Variants in AUTS2 observed in about 807,000 individuals in gnomAD.
AUTS2 encodes autism susceptibility gene 2 protein.
AUTS2 carries 17 observed loss-of-function variants against 112.4 expected under a neutral mutation model. That is an observed-to-expected ratio of 0.15 (90% CI 0.10 to 0.23). AUTS2 has a LOEUF of 0.23. Ranked by LOEUF, AUTS2 falls within the 10% of genes least tolerant of loss-of-function variation. The probability of loss-of-function intolerance (pLI) is 1.00; values close to 1 mark genes in which losing one functional copy is unlikely to be tolerated. For missense variants in AUTS2, 1,510 were observed against 1,701.6 expected, an observed-to-expected ratio of 0.89 and a Z score of 1.98; for synonymous variants, 751 against 702.7, an observed-to-expected ratio of 1.07 and a Z score of -1.09.
chr7:70,195,187 A>C (rs1447510257), intron 4 of AUTS2, among the ~76,000 whole-genome samples: 2 of 152,234 alleles, frequency 1.3e-5, no homozygotes, highest in Non-Finnish European at 2.9e-5. Flanking sequence ...TCAGTAAGAC[A>C]CAACTATTAA....
Position 70,708,621 on chromosome 7 carries a change from G to C in AUTS2, c.742+10001G>C, listed in dbSNP as rs373900509. Among the ~76,000 whole-genome samples, 32 of 152,032 alleles carry C rather than the reference G, an allele frequency of 2.1e-4. 1 individual carries two copies. In the South Asian group the frequency reaches 6.6e-3, roughly 32 times the overall value. ...AAAAATAGCCTTAAGACTTTCTTAG[G>C]TGGAAAAGCTTATCTGAGGTGAGCC... On this transcript the variant is annotated intron_variant, in intron 6 of 18. Transcript: ENST00000342771.
intron 2 of AUTS2, among the ~76,000 whole-genome samples, chr7:70,059,926 AGTT>A (rs796879611): frequency 4.6e-5 from 7 of 152,316 alleles, no homozygotes; most frequent in African/African-American, 1.4e-4. Flanking sequence ...AAAATTAACA[AGTT>A]GACATTTATT....
rs377507477 is a variant in AUTS2 at position 70,764,986 on chromosome 7, G to A, written c.1449G>A (p.Pro483=). 1.9e-5 allele frequency: 30 copies of A among 1,612,636 alleles called. No individual in the cohort carries two copies. Among genetic ancestry groups the A allele is most frequent in the South Asian group, 9.9e-5 (9 of 91,010 alleles). Reference sequence around the variant, plus strand: ...GAAGTCTGCAGGTGGCCGGACACCCGGCCGGGAGCACTTACTCAGGTAGGA... The same window carrying A: ...GAAGTCTGCAGGTGGCCGGACACCCAGCCGGGAGCACTTACTCAGGTAGGA... ...TSGSLQVAGH[P]AGSTYSEQDI... Residue 483 remains proline (P), a synonymous_variant, in exon 8 of 19, where the codon CCG becomes CCA. Coordinates refer to ENST00000342771, the MANE Select transcript of AUTS2 (RefSeq NM_015570.4).
intron 4 of AUTS2, among the ~76,000 whole-genome samples, chr7:70,370,535 T>G (rs1792793081): frequency 6.6e-6 from 1 of 152,242 alleles, no homozygotes; most frequent in Admixed American, 6.5e-5. Flanking sequence ...CATTGCCTCA[T>G]AATATTACAT....
chr7:70,055,298 G>T (rs1200116459), intron 2 of AUTS2, among the ~76,000 whole-genome samples: 1 of 152,192 alleles, frequency 6.6e-6, no homozygotes, highest in Non-Finnish European at 1.5e-5. Context: ...GCTGGACGTG[G>T]TGGCACATGC....
intron 2 of AUTS2, among the ~76,000 whole-genome samples, chr7:70,108,783 C>CAAAAAAAAAAAAAAAAAAAAAAAAA (rs528009205): frequency 2.9e-5 from 2 of 69,178 alleles, no homozygotes; most frequent in Admixed American, 1.6e-4. Flanking sequence ...GCCAACATGG[C>CAAAAAAAAAAAAAAAAAAAAAAAAA]AAAAAAAAAA....
chr7:69,725,576 A>C (rs1054194681), intron 1 of AUTS2, among the ~76,000 whole-genome samples: 1 of 152,172 alleles, frequency 6.6e-6, no homozygotes, highest in Non-Finnish European at 1.5e-5. Flanking sequence ...ACATGTGGAC[A>C]TGGAAATGGT....
intron 6 of AUTS2, among the ~76,000 whole-genome samples, chr7:70,721,974 A>G (rs1786708508): frequency 6.6e-6 from 1 of 152,180 alleles, no homozygotes; most frequent in African/African-American, 2.4e-5. Flanking sequence ...TATCTAGGAT[A>G]TAATTCATAT....
intron 2 of AUTS2, among the ~76,000 whole-genome samples, chr7:69,899,986 A>G (rs1215961371): frequency 6.6e-6 from 1 of 152,206 alleles, no homozygotes; most frequent in Non-Finnish European, 1.5e-5. Flanking sequence ...ATGGCAAAAA[A>G]TGAATTTGCC....
chr7:70,533,118 G>A (rs144064594), intron 5 of AUTS2, among the ~76,000 whole-genome samples: 120 of 152,142 alleles, frequency 7.9e-4, no homozygotes, highest in Non-Finnish European at 1.2e-3. Context: ...GAAAGGAACC[G>A]GCCTGATTTA....
intron 4 of AUTS2, among the ~76,000 whole-genome samples, chr7:70,381,050 A>G (rs765358601): frequency 3.9e-5 from 6 of 152,364 alleles, no homozygotes; most frequent in East Asian, 3.9e-4. Context: ...AATATTGGCA[A>G]TGATACCGTA....
At chr7:70,551,566 C>G (rs1270856193) in intron 5 of AUTS2, among the ~76,000 whole-genome samples, 2 of 152,080 alleles carry the variant, frequency 1.3e-5, no homozygotes, top group African/African-American at 4.8e-5. Context: ...GTCAAGGTCA[C>G]CAAAAACAAG....
intron 3 of AUTS2, among the ~76,000 whole-genome samples, chr7:70,129,901 TTGTG>T (rs34163076): frequency 3.1e-4 from 46 of 147,348 alleles, no homozygotes; most frequent in South Asian, 6.5e-4. Context: ...TATATATATA[TTGTG>T]TGTGTGTGTG....
chr7:70,515,334 TGAG>T (rs1799372427), intron 5 of AUTS2, among the ~76,000 whole-genome samples: 1 of 152,130 alleles, frequency 6.6e-6, no homozygotes, highest in South Asian at 2.1e-4. Flanking sequence ...AGAGAAATAA[TGAG>T]GACCTGAACC....
intron 4 of AUTS2, among the ~76,000 whole-genome samples, chr7:70,300,665 A>G (rs1315949273): frequency 2.0e-5 from 3 of 152,236 alleles, no homozygotes; most frequent in Non-Finnish European, 4.4e-5. Context: ...CGGTGCCACC[A>G]GTGTCACAAG....
intron 6 of AUTS2, among the ~76,000 whole-genome samples, chr7:70,758,090 T>A (rs1563176687): frequency 6.6e-6 from 1 of 152,144 alleles, no homozygotes; most frequent in Non-Finnish European, 1.5e-5. Context: ...CCACACGGCT[T>A]CTTTGTACGT....
intron 1 of AUTS2, among the ~76,000 whole-genome samples, chr7:69,609,263 A>C (rs1417418662): frequency 1.3e-5 from 2 of 152,206 alleles, no homozygotes; most frequent in Non-Finnish European, 2.9e-5. Context: ...AAAAAGTCTT[A>C]CTACAAATGT....
intron 1 of AUTS2, among the ~76,000 whole-genome samples, chr7:69,862,295 GGAACCA>G (rs1793021277): frequency 6.6e-6 from 1 of 152,048 alleles, no homozygotes; most frequent in South Asian, 2.1e-4. Flanking sequence ...TTTAAATGAG[GGAACCA>G]GATAGATGTT....
intron 1 of AUTS2, among the ~76,000 whole-genome samples, chr7:69,669,703 T>TC (rs1796226475): frequency 6.6e-6 from 1 of 152,052 alleles, no homozygotes. Context: ...ATGATTTTTT[T>TC]CCCCTCAAAG....
Sources: allele counts gnomAD v4.1 joint callset (sites outside exome capture counted in the v4.1 genomes callset), GRCh38; gene constraint gnomAD v4.1.1; transcripts MANE v1.5; gene names NCBI Gene and HGNC (gene_info 2026-07-23, HGNC 2026-07-21).